ADAT2: variants seen among roughly 807,000 people sequenced by gnomAD.
ADAT2 encodes adenosine deaminase tRNA specific 2, also known as tRNA-specific adenosine-34 deaminase catalytic subunit ADAT2.
ADAT2 carries 26 observed loss-of-function variants against 25.9 expected under a neutral mutation model. The ratio of observed to expected loss-of-function variants is 1.00; its 90% confidence interval spans 0.74 to 1.39. The LOEUF is 1.39. Ranked by LOEUF, ADAT2 falls within the 40% of genes most tolerant of loss-of-function variation. The pLI, the probability that ADAT2 is intolerant of heterozygous loss-of-function variation, is 0.00. For synonymous variants in ADAT2, 76 were observed against 86.8 expected (o/e 0.88, Z 0.69); for missense variants, 220 against 244.8 (o/e 0.90, Z 0.68).
intron 2 of ADAT2, among the ~76,000 whole-genome samples, chr6:143,435,568 G>C: frequency 6.6e-6 from 1 of 152,172 alleles, no homozygotes. Context: ...GACAGTCAAA[G>C]TTCTCATCTT....
At chr6:143,448,269 G>A (rs1395346823) in intron 1 of ADAT2, among the ~76,000 whole-genome samples, 1 of 152,018 alleles carries the variant, frequency 6.6e-6, no homozygotes, top group African/African-American at 2.4e-5. Flanking sequence ...GGGGGAGAGG[G>A]GAGGGATAGC....
At position 143,450,676 on chromosome 6, in the gene ADAT2, C is replaced by T. The variant is rs769198720; in HGVS notation, c.-18G>A. The stretch of plus-strand genomic sequence containing the variant: ...GCCTCCATACCCAGCCACCACTCAG[C>T]TACAGAGCCCGCGGCAGAGGAGGAG... On this transcript the variant is annotated 5_prime_UTR_variant, in exon 1 of 6. Coordinates refer to ENST00000237283, the MANE Select transcript of ADAT2 (RefSeq NM_182503.3). 1.9e-6 allele frequency: 3 copies of T among 1,611,510 alleles called. No homozygotes were observed. In the East Asian group the frequency reaches 6.7e-5, roughly 36 times the overall value.
chr6:143,448,689 T>C (rs1475296534), intron 1 of ADAT2, among the ~76,000 whole-genome samples: 1 of 151,768 alleles, frequency 6.6e-6, no homozygotes, highest in Non-Finnish European at 1.5e-5. Context: ...ATTTGCTGGC[T>C]ACTCACTCGT....
chr6:143,431,432 G>C (rs1194047564), intron 4 of ADAT2, among the ~76,000 whole-genome samples: 1 of 152,178 alleles, frequency 6.6e-6, no homozygotes, highest in East Asian at 1.9e-4. Flanking sequence ...TTTGCAAAGA[G>C]TTATGTAAGC....
chr6:143,431,697 A>C (rs1779121396), intron 4 of ADAT2, among the ~76,000 whole-genome samples: 1 of 152,246 alleles, frequency 6.6e-6, no homozygotes, highest in Non-Finnish European at 1.5e-5. Context: ...ATAGGTCCTT[A>C]AAGTATTCTA....
rs775240346 is a variant in ADAT2 at position 143,438,653 on chromosome 6, A to T, written c.138T>A (p.Cys46Ter). The change falls in exon 2 of 6, where the codon TGT becomes TGA. Residue 46 changes from cysteine (C) to a stop codon, truncating the protein, a stop_gained. Transcript: ENST00000237283. LOFTEE classifies it high-confidence loss of function. ...CAACTTCATTGTTGTAGACCATAAG[A>T]CAGCCAACAGGAACTTCAGTATTTT... ...ALENTEVPVG[C>*]LMVYNNEVVG... is the part of the protein sequence containing the mutation. 1.9e-6 allele frequency: 3 copies of T among 1,613,432 alleles called. No homozygotes were observed. The highest frequency in any genetic ancestry group is 2.5e-6 in the Non-Finnish European group (3 of 1,179,538).
intron 1 of ADAT2, among the ~76,000 whole-genome samples, chr6:143,443,149 GA>G (rs899506456): frequency 4.0e-5 from 5 of 124,370 alleles, no homozygotes; most frequent in Admixed American, 1.5e-4. Flanking sequence ...GGCACAGGGA[GA>G]TTTTTTTTTA....
At position 143,442,772 on chromosome 6, in the gene ADAT2, T is replaced by C. The variant is rs551841680; in HGVS notation, c.97-4078A>G. Among the ~76,000 whole-genome samples the C allele has an allele frequency of 6.6e-6, 1 of 152,272 alleles. No homozygotes were observed. The highest frequency in any genetic ancestry group is 2.1e-4 in the South Asian group (1 of 4,818). Reference sequence around the variant, plus strand: ...GATGTTTAGTGAGTTTAGAGAAATATTTGGTGTTACGGACAATCCCAGAAA... The same window carrying C: ...GATGTTTAGTGAGTTTAGAGAAATACTTGGTGTTACGGACAATCCCAGAAA... On this transcript the variant is annotated intron_variant, in intron 1 of 5. Coordinates refer to ENST00000237283, the MANE Select transcript of ADAT2 (RefSeq NM_182503.3). The surrounding 1 kb of genome is among the most constrained non-coding windows in gnomAD (Gnocchi z 4.6).
In ADAT2 at chr6:143,436,054, T is replaced by C. The variant is rs1276572156; in HGVS notation, c.202-2073A>G. On this transcript the variant is annotated intron_variant, in intron 2 of 5. Coordinates refer to ENST00000237283, the MANE Select transcript of ADAT2 (RefSeq NM_182503.3). The surrounding 1 kb of genome is among the most constrained non-coding windows in gnomAD (Gnocchi z 4.1). The stretch of plus-strand genomic sequence containing the variant: ...TGTGAGTTAAAATTAAAAGACTGTA[T>C]ATATTTGTATATTGTTACATGATTT... Among the ~76,000 whole-genome samples, 3 of 152,252 alleles carry C rather than the reference T, an allele frequency of 2.0e-5. No homozygotes were observed. The highest frequency in any genetic ancestry group is 2.9e-5 in the Non-Finnish European group (2 of 68,046).
chr6:143,434,773 C>G lies in ADAT2; in HGVS notation c.202-792G>C, dbSNP rs958262531. Among the ~76,000 whole-genome samples the G allele has an allele frequency of 1.3e-5, 2 of 152,100 alleles. No individual in the cohort carries two copies. Among genetic ancestry groups the G allele is most frequent in the African/African-American group, 4.8e-5 (2 of 41,400 alleles). ...CTAGCTCTTGTCTCCTTTTCTTTCT[C>G]CCTTACTAAAATAGCTTAAAGTGAA... On this transcript the variant is annotated intron_variant, in intron 2 of 5. Coordinates refer to ENST00000237283, the MANE Select transcript of ADAT2 (RefSeq NM_182503.3). The surrounding 1 kb of genome is among the most constrained non-coding windows in gnomAD (Gnocchi z 4.5).
intron 1 of ADAT2, among the ~76,000 whole-genome samples, chr6:143,449,478 C>G (rs1375796911): frequency 6.6e-6 from 1 of 152,106 alleles, no homozygotes; most frequent in African/African-American, 2.4e-5. Context: ...TAGTTTACGT[C>G]CTCCTACACA....
chr6:143,441,099 T>G (rs548512761), intron 1 of ADAT2, among the ~76,000 whole-genome samples: 1 of 152,220 alleles, frequency 6.6e-6, no homozygotes, highest in African/African-American at 2.4e-5. Context: ...GCCAAAACTT[T>G]GATTGGGGCT....
In ADAT2 at chr6:143,446,360, A is replaced by G. The variant is rs1018832679; in HGVS notation, c.96+4203T>C. Among the ~76,000 whole-genome samples the G allele has an allele frequency of 2.6e-5, 4 of 152,174 alleles. No individual in the cohort carries two copies. Among genetic ancestry groups the G allele is most frequent in the African/African-American group, 9.7e-5 (4 of 41,438 alleles). On this transcript the variant is annotated intron_variant, in intron 1 of 5. Transcript: ENST00000237283. The surrounding 1 kb of genome is among the most constrained non-coding windows in gnomAD (Gnocchi z 5.0). The stretch of plus-strand genomic sequence containing the variant: ...CCTTATGAACATATCTGATTCAACC[A>G]ACTAGTCTCCTATTATTTGACATTT...
At chr6:143,429,549 G>C (rs776909102) in intron 4 of ADAT2, among the ~76,000 whole-genome samples, 1 of 152,160 alleles carries the variant, frequency 6.6e-6, no homozygotes, top group Non-Finnish European at 1.5e-5. Flanking sequence ...GAGCATTTCA[G>C]GGAAAGGGCA....
At position 143,440,985 on chromosome 6, in the gene ADAT2, G is replaced by C. The variant is rs550173413; in HGVS notation, c.97-2291C>G. Among the ~76,000 whole-genome samples the C allele has an allele frequency of 2.1e-4, 32 of 152,304 alleles. No individual in the cohort carries two copies. Among genetic ancestry groups the C allele is most frequent in the African/African-American group, 7.7e-4 (32 of 41,578 alleles). ...AAGTGATAACGGAAGGAGAGAGAGA[G>C]AGATTTGAAAATGCTGCACTGCTGG... On this transcript the variant is annotated intron_variant, in intron 1 of 5. Transcript: ENST00000237283. The surrounding 1 kb of genome is among the most constrained non-coding windows in gnomAD (Gnocchi z 4.5).
chr6:143,442,835 T>A lies in ADAT2; in HGVS notation c.97-4141A>T, dbSNP rs952555388. Among the ~76,000 whole-genome samples the A allele has an allele frequency of 6.6e-6, 1 of 152,194 alleles. No individual in the cohort carries two copies. Among genetic ancestry groups the A allele is most frequent in the African/African-American group, 2.4e-5 (1 of 41,448 alleles). ...AGAAGGAAGGGTGGTCAAGTGTGTC[T>A]AATTCAGCAAGGTGGTGGCAATTTA... On this transcript the variant is annotated intron_variant, in intron 1 of 5. Coordinates refer to ENST00000237283, the MANE Select transcript of ADAT2 (RefSeq NM_182503.3). The surrounding 1 kb of genome is among the most constrained non-coding windows in gnomAD (Gnocchi z 4.6).
In ADAT2 at chr6:143,428,495, T is replaced by A. The variant is rs894947393; in HGVS notation, c.544A>T (p.Lys182Ter). 1.9e-6 allele frequency: 3 copies of A among 1,613,946 alleles called. No individual in the cohort carries two copies. Among genetic ancestry groups the A allele is most frequent in the Non-Finnish European group, 2.5e-6 (3 of 1,180,030 alleles). ...TTCTGACATTCCTTTTTCCGAACTT[T>A]CGATTTTGGTGCTGTGAAAAGAATA... ...KQENPNAPKS[K>*]VRKKECQKS Residue 182 changes from lysine (K) to a stop codon, truncating the protein, a stop_gained, in exon 6 of 6, where the codon AAA (lysine) becomes TAA (stop). Coordinates refer to ENST00000237283, the MANE Select transcript of ADAT2 (RefSeq NM_182503.3). LOFTEE classifies it high-confidence loss of function. The surrounding 1 kb of genome is among the most constrained non-coding windows in gnomAD (Gnocchi z 5.0).
At chr6:143,441,582 C>T (rs924235194) in intron 1 of ADAT2, 1 of 152,098 alleles carries the variant, frequency 6.6e-6, no homozygotes, top group Non-Finnish European at 1.5e-5. Flanking sequence ...GGTATATTCT[C>T]ATGATAATAA....
At position 143,425,754 on chromosome 6, in the gene ADAT2, T is replaced by C. The variant is rs1207126486; in HGVS notation, c.*2709A>G. 1.3e-5 allele frequency: 2 copies of C among 151,332 alleles called. No homozygotes were observed. The highest frequency in any genetic ancestry group is 2.4e-5 in the African/African-American group (1 of 40,946). The allele number at this position is 151,332 out of a possible 1,614,324, so 9.4% of individuals were successfully genotyped here. ...GTGTTTGTGTGTGTGTGTGTGTGTGTGTGTGTGTGTGTGTGTGTGTGTGTA... is the reference window on the plus strand; with the variant it reads ...GTGTTTGTGTGTGTGTGTGTGTGTGCGTGTGTGTGTGTGTGTGTGTGTGTA... On this transcript the variant is annotated 3_prime_UTR_variant, in exon 6 of 6. Transcript: ENST00000237283.
Sources: gnomAD v4.1 joint callset for allele counts (sites outside exome capture counted in the v4.1 genomes callset) on GRCh38, gnomAD v4.1.1 for gene constraint, Gnocchi (gnomAD v3.1) non-coding constraint, MANE v1.5 for transcripts, NCBI Gene and HGNC (gene_info 2026-07-23, HGNC 2026-07-21) for gene names.